SPOCK1: variants seen among roughly 807,000 people sequenced by gnomAD.
SPOCK1 encodes testican-1.
In SPOCK1, 23 loss-of-function variants were observed where a neutral mutation model predicts 55.3. The ratio of observed to expected loss-of-function variants is 0.42; its 90% CI spans 0.30 to 0.59. The LOEUF is 0.59. SPOCK1 is among the 20% of genes least tolerant of loss of function. The pLI, the probability that SPOCK1 is intolerant of heterozygous loss-of-function variation, is 0.22. For missense variants in SPOCK1, 499 were observed against 552.5 expected (o/e 0.90, Z 0.97); for synonymous variants, 226 against 221.0 (o/e 1.02, Z -0.20).
chr5:137,385,890 G>A (rs992932880), intron 2 of SPOCK1, among the ~76,000 whole-genome samples: 21 of 152,102 alleles, frequency 1.4e-4, no homozygotes, highest in Admixed American at 1.4e-3. Flanking sequence ...AGGCTTTCTG[G>A]GCCATATGGT....
intron 5 of SPOCK1, among the ~76,000 whole-genome samples, chr5:137,097,665 C>T (rs1753179200): frequency 6.6e-6 from 1 of 152,210 alleles, no homozygotes; most frequent in South Asian, 2.1e-4. Flanking sequence ...CTATTGGAGC[C>T]TCACAGTCTA....
chr5:137,029,389 TA>T (rs1421850937), intron 6 of SPOCK1, among the ~76,000 whole-genome samples: 2 of 152,236 alleles, frequency 1.3e-5, no homozygotes, highest in Admixed American at 1.3e-4. Flanking sequence ...TCCTTAATGA[TA>T]AACTTATATG....
intron 2 of SPOCK1, chr5:137,364,942 A>G (rs769767426): frequency 2.0e-5 from 3 of 152,234 alleles, no homozygotes; most frequent in Non-Finnish European, 2.9e-5. Flanking sequence ...CTGCTCCTTC[A>G]TACTCACTGC....
intron 2 of SPOCK1, among the ~76,000 whole-genome samples, chr5:137,316,053 A>G (rs1196617369): frequency 6.6e-6 from 1 of 152,174 alleles, no homozygotes; most frequent in Non-Finnish European, 1.5e-5. Context: ...GGTCATTTAT[A>G]AAGGACAGAA....
At chr5:137,193,468 T>C (rs1363046063) in intron 3 of SPOCK1, among the ~76,000 whole-genome samples, 2 of 152,112 alleles carry the variant, frequency 1.3e-5, no homozygotes, top group Non-Finnish European at 2.9e-5. Flanking sequence ...AGAAGAAACA[T>C]ACAGACATTC....
At chr5:137,311,585 G>A (rs775213809) in intron 2 of SPOCK1, among the ~76,000 whole-genome samples, 5 of 152,092 alleles carry the variant, frequency 3.3e-5, no homozygotes, top group East Asian at 1.9e-4. Context: ...TATCTACTCC[G>A]CTCTTTTCCT....
intron 2 of SPOCK1, among the ~76,000 whole-genome samples, chr5:137,377,329 G>A (rs1207474792): frequency 1.3e-5 from 2 of 152,138 alleles, no homozygotes; most frequent in African/African-American, 4.8e-5. Context: ...AAATTTGTGT[G>A]GGGAAAGACA....
chr5:137,247,597 T>C (rs1299711309), intron 3 of SPOCK1, among the ~76,000 whole-genome samples: 1 of 152,176 alleles, frequency 6.6e-6, no homozygotes, highest in African/African-American at 2.4e-5. Flanking sequence ...TAAAAAAAAC[T>C]GCTTATCTTG....
At chr5:137,266,894 C>T (rs1756863059) in intron 3 of SPOCK1, 116 bp downstream of exon 3, 4 of 880,940 alleles carry the variant, frequency 4.5e-6, no homozygotes, top group Admixed American at 2.3e-5. Context: ...TCCCCAAAGT[C>T]AATAAAATAA....
intron 6 of SPOCK1, among the ~76,000 whole-genome samples, chr5:137,057,516 C>A (rs546104677): frequency 1.3e-5 from 2 of 152,292 alleles, no homozygotes; most frequent in East Asian, 3.9e-4. Context: ...GGTTTTCAAA[C>A]AGAGAATCAT....
intron 2 of SPOCK1, among the ~76,000 whole-genome samples, chr5:137,484,625 A>G (rs1754016010): frequency 6.6e-6 from 1 of 152,234 alleles, no homozygotes. Context: ...GTACCACGTG[A>G]CAACAAACAT....
At chr5:137,090,524 T>C (rs1427309857) in intron 5 of SPOCK1, among the ~76,000 whole-genome samples, 1 of 152,152 alleles carries the variant, frequency 6.6e-6, no homozygotes, top group African/African-American at 2.4e-5. Context: ...ATAGCTAGGA[T>C]TGTCAACTCC....
intron 2 of SPOCK1, among the ~76,000 whole-genome samples, chr5:137,426,091 T>C (rs1019076543): frequency 6.6e-6 from 1 of 152,088 alleles, no homozygotes; most frequent in Non-Finnish European, 1.5e-5. Context: ...CTCTACAATA[T>C]GACCTTTGAA....
chr5:136,977,917 G>A lies in SPOCK1; in HGVS notation c.*737C>T, dbSNP rs769552344. 7.7e-5 allele frequency: 30 copies of A among 390,484 alleles called. No individual in the cohort carries two copies. The highest frequency in any genetic ancestry group is 5.6e-4 in the African/African-American group (27 of 48,228). 24.2% of individuals were successfully genotyped at this position (390,484 alleles called of 1,614,324 possible). ...GCTGAGAAATTTATCATTGTTTTTC[G>A]AGTTTTTAAGATACCCAAACACTTT... On this transcript the variant is annotated 3_prime_UTR_variant, in exon 11 of 11. Coordinates refer to ENST00000394945, the MANE Select transcript of SPOCK1 (RefSeq NM_004598.4).
At chr5:137,110,565 C>G (rs932957947) in intron 5 of SPOCK1, among the ~76,000 whole-genome samples, 16 of 152,158 alleles carry the variant, frequency 1.1e-4, no homozygotes, top group African/African-American at 3.9e-4. Flanking sequence ...AAAAGCAAGT[C>G]CTGTTACTAT....
chr5:137,180,552 C>A lies in SPOCK1; in HGVS notation c.233-39858G>T, dbSNP rs530674270. On this transcript the variant is annotated intron_variant, in intron 3 of 10. Transcript: ENST00000394945. ...ACCAGTGAGTTCTAGTCCTCAAAGA[C>A]CCTGCTACTAAGAGACTCAGGACTG... Among the ~76,000 whole-genome samples the A allele has an allele frequency of 4.9e-4, 75 of 152,256 alleles. No individual in the cohort carries two copies. The South Asian group carries it at 8.7e-3, about 18-fold the overall frequency.
chr5:137,331,867 A>T (rs867637994), intron 2 of SPOCK1, among the ~76,000 whole-genome samples: 8 of 152,276 alleles, frequency 5.3e-5, no homozygotes, highest in Middle Eastern at 6.8e-3. Context: ...AACCTGCCGC[A>T]GCACATCCCA....
chr5:137,173,823 T>C (rs1754801937), intron 3 of SPOCK1, among the ~76,000 whole-genome samples: 1 of 152,236 alleles, frequency 6.6e-6, no homozygotes, highest in Admixed American at 6.5e-5. Context: ...CTTATCCTCC[T>C]AAATGTCTAG....
rs773412094 is a variant in SPOCK1, at chr5:137,136,872, TTCCAAAGAGAATTC to T, written c.347+3694_347+3707del. Among the ~76,000 whole-genome samples, 9 of 152,234 alleles carry T rather than the reference TTCCAAAGAGAATTC, an allele frequency of 5.9e-5. No homozygotes were observed. The East Asian group carries it at 1.2e-3, about 20-fold the overall frequency. ...AGCAGGAAGGTGTGAAACAAAGAATTTCCAAAGAGAATTCTCCAAAGAGAATATGAGTTTACCTG... is the reference window on the plus strand; with the variant it reads ...AGCAGGAAGGTGTGAAACAAAGAATTTCCAAAGAGAATATGAGTTTACCTG... On this transcript the variant is annotated intron_variant, in intron 4 of 10. Coordinates refer to ENST00000394945, the MANE Select transcript of SPOCK1 (RefSeq NM_004598.4).
Sources: gnomAD v4.1 joint callset for allele counts (sites outside exome capture counted in the v4.1 genomes callset) on GRCh38, gnomAD v4.1.1 for gene constraint, MANE v1.5 for transcripts, NCBI Gene and HGNC (gene_info 2026-07-23, HGNC 2026-07-21) for gene names.